Variants in KCNIP4 observed in about 807,000 individuals in gnomAD.
KCNIP4 encodes Kv channel-interacting protein 4.
A neutral mutation model predicts 34.0 loss-of-function variants in KCNIP4; 12 were observed. The observed-to-expected ratio is 0.35, with a 90% CI of 0.23 to 0.57. KCNIP4 has a LOEUF of 0.57. KCNIP4 is among the 20% of genes least tolerant of loss of function. The pLI is 0.83. For missense variants in KCNIP4, 238 were observed against 311.7 expected (o/e 0.76, Z 1.78); for synonymous variants, 124 against 102.2 (o/e 1.21, Z -1.29).
intron 1 of KCNIP4, among the ~76,000 whole-genome samples, chr4:21,530,089 T>C (rs1034657467): frequency 6.6e-6 from 1 of 152,150 alleles, no homozygotes; most frequent in African/African-American, 2.4e-5. Flanking sequence ...AACAGCAGTA[T>C]AAGGTGTCAT....
At chr4:20,800,557 AT>A (rs1394384427) in intron 3 of KCNIP4, among the ~76,000 whole-genome samples, 1 of 152,230 alleles carries the variant, frequency 6.6e-6, no homozygotes, top group Non-Finnish European at 1.5e-5. Context: ...CATTATCTGA[AT>A]GAGAAATTCA....
chr4:20,793,613 G>A (rs1022146663), intron 3 of KCNIP4, among the ~76,000 whole-genome samples: 2 of 152,044 alleles, frequency 1.3e-5, no homozygotes, highest in Admixed American at 6.6e-5. Context: ...CTTTTTCCAC[G>A]GATGGGGTGG....
intron 1 of KCNIP4, among the ~76,000 whole-genome samples, chr4:21,612,112 A>G (rs1199620736): frequency 2.0e-5 from 3 of 152,114 alleles, no homozygotes; most frequent in African/African-American, 7.2e-5. Context: ...TGAATGTTTG[A>G]CTTTCATTTT....
intron 1 of KCNIP4, among the ~76,000 whole-genome samples, chr4:21,702,621 A>G (rs1712947942): frequency 1.3e-5 from 2 of 152,150 alleles, no homozygotes; most frequent in African/African-American, 4.8e-5. Context: ...AAAATTTTCC[A>G]TTAAAAAAAA....
At chr4:21,253,130 A>G (rs1760835857) in intron 1 of KCNIP4, among the ~76,000 whole-genome samples, 1 of 152,148 alleles carries the variant, frequency 6.6e-6, no homozygotes, top group Non-Finnish European at 1.5e-5. Context: ...CATAGGTCTG[A>G]CGCTGAATGT....
intron 1 of KCNIP4, among the ~76,000 whole-genome samples, chr4:21,058,435 G>A (rs1743617194): frequency 6.6e-6 from 1 of 151,718 alleles, no homozygotes; most frequent in Admixed American, 6.6e-5. Context: ...GTCCAGACTT[G>A]GATAAAAATG....
chr4:21,605,778 C>A (rs756040332), intron 1 of KCNIP4, among the ~76,000 whole-genome samples: 1 of 152,052 alleles, frequency 6.6e-6, no homozygotes. Context: ...CTGTGCCTGG[C>A]GTACAATGGT....
intron 1 of KCNIP4, among the ~76,000 whole-genome samples, chr4:21,285,657 C>T (rs775864697): frequency 2.0e-5 from 3 of 151,704 alleles, no homozygotes; most frequent in Non-Finnish European, 2.9e-5. Context: ...GGTGAAACTC[C>T]GTCTCTACTA....
chr4:21,104,020 T>C (rs1443208843), intron 1 of KCNIP4, among the ~76,000 whole-genome samples: 1 of 148,450 alleles, frequency 6.7e-6, no homozygotes, highest in African/African-American at 2.6e-5. Flanking sequence ...GTCTTTGCTA[T>C]TGTGAATAGT....
At position 21,022,824 on chromosome 4, in the gene KCNIP4, G is replaced by C. The variant is rs899177444; in HGVS notation, c.62-140115C>G. ...CTATCCTATAAGTTTTTTTGTTTTT[G>C]TATTTGTTTTTGTTCTTTGGAGATG... On this transcript the variant is annotated intron_variant, in intron 1 of 8. Transcript: ENST00000382152. 2.0e-5 allele frequency among the ~76,000 whole-genome samples: 3 copies of C among 151,752 alleles called. No individual in the cohort carries two copies. The East Asian group carries it at 5.8e-4, about 29-fold the overall frequency.
At chr4:21,188,839 G>A (rs1364839) in intron 1 of KCNIP4, among the ~76,000 whole-genome samples, 1 of 152,050 alleles carries the variant, frequency 6.6e-6, no homozygotes, top group Non-Finnish European at 1.5e-5. Context: ...ATCTCTAACA[G>A]CAGGGGTCCT....
At position 21,869,747 on chromosome 4, in the gene KCNIP4, T is replaced by C. The variant is rs1165255680; in HGVS notation, c.61+78824A>G. Among the ~76,000 whole-genome samples, 5 of 148,456 alleles carry C rather than the reference T, an allele frequency of 3.4e-5. No homozygotes were observed. In the East Asian group the frequency reaches 1.0e-3, roughly 30 times the overall value. ...ATAAGGAGATAGATAGATAGATAGATAGATAGATAGATAGATAGATAGATA... is the reference window on the plus strand; with the variant it reads ...ATAAGGAGATAGATAGATAGATAGACAGATAGATAGATAGATAGATAGATA... On this transcript the variant is annotated intron_variant, in intron 1 of 8. Coordinates refer to ENST00000382152, the MANE Select transcript of KCNIP4 (RefSeq NM_025221.6).
intron 1 of KCNIP4, among the ~76,000 whole-genome samples, chr4:21,446,069 A>G (rs1727958863): frequency 6.6e-6 from 1 of 152,150 alleles, no homozygotes; most frequent in African/African-American, 2.4e-5. Context: ...CAAAACCACA[A>G]TGAGATACCA....
chr4:21,580,793 G>A (rs1381827642), intron 1 of KCNIP4, among the ~76,000 whole-genome samples: 1 of 152,048 alleles, frequency 6.6e-6, no homozygotes, highest in Admixed American at 6.5e-5. Context: ...CTTATACAGT[G>A]TCAAGGGGAG....
At chr4:21,355,001 A>G (rs1718422752) in intron 1 of KCNIP4, among the ~76,000 whole-genome samples, 1 of 152,180 alleles carries the variant, frequency 6.6e-6, no homozygotes, top group East Asian at 1.9e-4. Flanking sequence ...AACTCACTCA[A>G]AATCACTCAA....
intron 1 of KCNIP4, among the ~76,000 whole-genome samples, chr4:21,425,007 T>C (rs1725814534): frequency 6.6e-6 from 1 of 152,114 alleles, no homozygotes; most frequent in Non-Finnish European, 1.5e-5. Flanking sequence ...GGAGATAAAA[T>C]GTATTCAGTA....
chr4:21,604,685 C>T (rs115058962), intron 1 of KCNIP4, among the ~76,000 whole-genome samples: 4,028 of 152,214 alleles, frequency 0.026, 177 homozygotes, highest in African/African-American at 0.09. Flanking sequence ...AACTTTTACA[C>T]GGACTACCTC....
chr4:21,316,211 T>C (rs1713742945), intron 1 of KCNIP4: 1 of 152,214 alleles, frequency 6.6e-6, no homozygotes, highest in African/African-American at 2.4e-5. Context: ...CAGGTTGACA[T>C]ACTATGTCCT....
chr4:21,334,406 G>A (rs1715955484), intron 1 of KCNIP4, among the ~76,000 whole-genome samples: 1 of 152,006 alleles, frequency 6.6e-6, no homozygotes, highest in Non-Finnish European at 1.5e-5. Flanking sequence ...GAGAATATAA[G>A]TATTATGGAA....
Sources: gnomAD v4.1 joint callset for allele counts (sites outside exome capture counted in the v4.1 genomes callset) on GRCh38, gnomAD v4.1.1 for gene constraint, MANE v1.5 for transcripts, NCBI Gene and HGNC (gene_info 2026-07-23, HGNC 2026-07-21) for gene names.